Variants in HELZ observed in about 807,000 individuals in gnomAD.
The protein encoded by HELZ is ATP-dependent RNA helicase with zinc finger domain.
Under a neutral mutation model 218.2 loss-of-function variants are expected in HELZ, and 23 were observed. The ratio of observed to expected loss-of-function variants is 0.11; its 90% CI spans 0.08 to 0.15. HELZ has a LOEUF of 0.15. HELZ is among the 10% of genes least tolerant of loss of function. HELZ has a pLI of 1.00. For synonymous variants in HELZ, 814 were observed against 829.4 expected, an observed-to-expected ratio of 0.98 and a Z score of 0.32; for missense variants, 1,813 against 2,353.7, an observed-to-expected ratio of 0.77 and a Z score of 4.75.
chr17:67,191,653 T>C (rs1359162394), intron 9 of HELZ, among the ~76,000 whole-genome samples: 1 of 151,560 alleles, frequency 6.6e-6, no homozygotes, highest in Non-Finnish European at 1.5e-5. Flanking sequence ...TGGGGTTGCA[T>C]GTTGGCCAGG....
At chr17:67,123,931 G>T in intron 25 of HELZ, 32 bp downstream of exon 25, 2 of 1,537,138 alleles carry the variant, frequency 1.3e-6, no homozygotes, top group East Asian at 2.3e-5. Context: ...CATCATAAAA[G>T]CAAGTTTTCA....
Position 67,086,638 on chromosome 17 carries a change from ATATATATAT to A in HELZ, c.5494+182_5494+190del, listed in dbSNP as rs2036395479. ...TAAATAAATATAAATATAAATATAT[ATATATATAT>A]ATATATATATATATATAGAATCAAT... On this transcript the variant is annotated intron_variant, in intron 32 of 32. Transcript: ENST00000358691. 5.7e-5 allele frequency among the ~76,000 whole-genome samples: 7 copies of A among 123,052 alleles called. No individual in the cohort carries two copies. In the South Asian group the frequency reaches 7.7e-4, roughly 14 times the overall value. 80.7% of individuals were successfully genotyped at this position (123,052 alleles called of 152,430 possible).
chr17:67,115,990 C>T (rs576268400), intron 27 of HELZ, among the ~76,000 whole-genome samples: 60 of 152,058 alleles, frequency 3.9e-4, no homozygotes, highest in African/African-American at 1.4e-3. Context: ...GGATTTGTAA[C>T]TTATGTAAAA....
At chr17:67,224,487 G>C (rs1328502111) in intron 3 of HELZ, 1 of 265,658 alleles carries the variant, frequency 3.8e-6, no homozygotes, top group African/African-American at 2.3e-5. Context: ...CAGGCAGTTG[G>C]AACCAAGACA....
intron 31 of HELZ, among the ~76,000 whole-genome samples, chr17:67,095,811 A>G (rs2036725690): frequency 6.6e-6 from 1 of 152,138 alleles, no homozygotes; most frequent in Admixed American, 6.5e-5. Flanking sequence ...AATACAGTAT[A>G]TATTTTTTGT....
chr17:67,173,038 G>T (rs994677744), intron 13 of HELZ: 1 of 982,032 alleles, frequency 1.0e-6, no homozygotes. Context: ...TTGTGACATT[G>T]GTTGTGTCTT....
Position 67,077,696 on chromosome 17 carries a change from T to C in HELZ, c.*556A>G, listed in dbSNP as rs1444580245. 4 of 144,424 alleles carry C rather than the reference T, an allele frequency of 2.8e-5. No homozygotes were observed. Among genetic ancestry groups the C allele is most frequent in the African/African-American group, 1.0e-4 (4 of 38,790 alleles). The allele number at this position is 144,424 out of a possible 1,614,324, so 8.9% of individuals were successfully genotyped here. A position where few individuals can be genotyped will look rare whatever the true frequency, so the allele number is the denominator to read the frequency against. On this transcript the variant is annotated 3_prime_UTR_variant, in exon 33 of 33. Coordinates refer to ENST00000358691, the MANE Select transcript of HELZ (RefSeq NM_014877.4). ...ATACATAGTCTAAAACTATAAAAGT[T>C]TTAGAATGCAGCATCGTGTCACCAA... is the stretch of plus-strand genomic sequence containing the variant.
intron 5 of HELZ, 42 bp downstream of exon 5, chr17:67,215,857 C>A: frequency 7.8e-7 from 1 of 1,286,776 alleles, no homozygotes; most frequent in Non-Finnish European, 1.1e-6. Flanking sequence ...AAACCTTAAA[C>A]ATTGTTCAAT....
rs370691804 is a variant in HELZ at position 67,082,848 on chromosome 17, T to G, written c.5494+3981A>C. ...ATAGCAATGTAATTAGTTTTAACTG[T>G]TTTTTTTTTTTGTTTTTTTTTTTTT... On this transcript the variant is annotated intron_variant, in intron 32 of 32. Transcript: ENST00000358691. 1.5e-4 allele frequency among the ~76,000 whole-genome samples: 19 copies of G among 129,200 alleles called. 1 individual carries two copies. The South Asian group carries it at 1.6e-3, about 11-fold the overall frequency. The allele number at this position is 129,200 out of a possible 152,430, so 84.8% of individuals were successfully genotyped here. A position where few individuals can be genotyped will look rare whatever the true frequency, so the allele number is the denominator to read the frequency against.
rs1567841840 is a variant in HELZ, at chr17:67,148,613, C to T, written c.2577G>A (p.Arg859=). 1 of 1,613,798 alleles carries T rather than the reference C, an allele frequency of 6.2e-7. No individual in the cohort carries two copies. Among genetic ancestry groups the T allele is most frequent in the East Asian group, 2.2e-5 (1 of 44,850 alleles). Residue 859 remains arginine, a synonymous_variant, in exon 20 of 33, where the codon AGG becomes AGA. Coordinates refer to ENST00000358691, the MANE Select transcript of HELZ (RefSeq NM_014877.4). ...YEHYPAEFPC[R]ILLCENYRSH... is the part of the protein sequence containing the mutation. ...AGCGGTAGTTCTCACACAGGAGAAT[C>T]CTACATGGGAACTCAGCAGGGTAAT...
chr17:67,165,417 A>C (rs1287860071), intron 15 of HELZ, among the ~76,000 whole-genome samples: 2 of 152,218 alleles, frequency 1.3e-5, no homozygotes, highest in African/African-American at 4.8e-5. Flanking sequence ...CCTGTCGGCC[A>C]GCTGAACGTC....
intron 24 of HELZ, among the ~76,000 whole-genome samples, chr17:67,126,379 G>A (rs1372633043): frequency 6.6e-6 from 1 of 152,132 alleles, no homozygotes; most frequent in African/African-American, 2.4e-5. Context: ...TCGGGCCTAT[G>A]GAGTAAAAAG....
At chr17:67,100,949 AAT>A (rs1472602328) in intron 31 of HELZ, among the ~76,000 whole-genome samples, 1 of 151,866 alleles carries the variant, frequency 6.6e-6, no homozygotes, top group Non-Finnish European at 1.5e-5. Flanking sequence ...AAATATTAAA[AAT>A]ATTAAAAAAT....
chr17:67,200,992 C>T, intron 7 of HELZ, 137 bp downstream of exon 7: 2 of 727,064 alleles, frequency 2.8e-6, no homozygotes, highest in Non-Finnish European at 5.1e-6. Context: ...CGAGGGAAGG[C>T]TGGCAGTCCC....
At chr17:67,199,798 G>T (rs555026325) in intron 7 of HELZ, among the ~76,000 whole-genome samples, 5 of 152,306 alleles carry the variant, frequency 3.3e-5, no homozygotes, top group Admixed American at 3.3e-4. Flanking sequence ...ACCCACAGGA[G>T]TTCAAAGTTG....
At chr17:67,245,964 G>T (rs2041472304), upstream of HELZ, 1 of 152,402 alleles carries the variant, frequency 6.6e-6, no homozygotes, top group Non-Finnish European at 1.5e-5. Context: ...GTGACTCCGG[G>T]GCAGGTAATC....
intron 3 of HELZ, among the ~76,000 whole-genome samples, chr17:67,225,764 T>C (rs948186708): frequency 4.6e-5 from 7 of 152,202 alleles, no homozygotes; most frequent in African/African-American, 1.7e-4. Flanking sequence ...ACTTACTTTT[T>C]GCCACTTTTA....
Position 67,109,141 on chromosome 17 carries a change from C to T in HELZ, c.4464G>A (p.Ser1488=), listed in dbSNP as rs117043746. Residue 1488 remains serine (S), a synonymous_variant, in exon 29 of 33, where the codon TCG becomes TCA. Coordinates refer to ENST00000358691, the MANE Select transcript of HELZ (RefSeq NM_014877.4). ...CTAAAGCCTCCCCTATAGGTAATCC[C>T]GAGGGGTTCTCATCAATGAAGCTAT... ...HLNSFIDENP[S]GLPIGEALDR... 0.03 allele frequency: 48,742 copies of T among 1,612,836 alleles called. 841 individuals are homozygous for T. The highest frequency in any genetic ancestry group is 0.036 in the Non-Finnish European group (42,471 of 1,179,600).
chr17:67,112,761 G>A (rs2037318200), intron 28 of HELZ, among the ~76,000 whole-genome samples: 1 of 152,234 alleles, frequency 6.6e-6, no homozygotes, highest in African/African-American at 2.4e-5. Context: ...ATGCAAGACA[G>A]GTGGGACTAG....
Sources: allele counts gnomAD v4.1 joint callset (sites outside exome capture counted in the v4.1 genomes callset), GRCh38; gene constraint gnomAD v4.1.1; transcripts MANE v1.5; gene names NCBI Gene and HGNC (gene_info 2026-07-23, HGNC 2026-07-21).